HOMER2: variants seen among roughly 807,000 people sequenced by gnomAD.
The protein encoded by HOMER2 is homer protein homolog 2.
A neutral mutation model predicts 47.0 loss-of-function variants in HOMER2; 27 were observed. That is an observed-to-expected ratio of 0.57 (90% confidence interval 0.42 to 0.79). HOMER2 has a LOEUF of 0.79. HOMER2 is among the 30% of genes least tolerant of loss of function. The pLI is 0.00. For synonymous variants in HOMER2, 161 were observed against 163.8 expected (o/e 0.98, Z 0.13); for missense variants, 443 against 435.0 (o/e 1.02, Z -0.16).
chr15:82,940,778 A>C (rs1165166586), intron 1 of HOMER2, among the ~76,000 whole-genome samples: 1 of 151,952 alleles, frequency 6.6e-6, no homozygotes. Context: ...CTGCGGCCCC[A>C]GCTACTCAGG....
chr15:82,868,177 T>C (rs1299725866), intron 3 of HOMER2, among the ~76,000 whole-genome samples: 2 of 150,652 alleles, frequency 1.3e-5, no homozygotes, highest in East Asian at 3.9e-4. Context: ...TTTTTAATGG[T>C]TTTTTTATTG....
chr15:82,859,725 G>C (rs2051709893), intron 4 of HOMER2, among the ~76,000 whole-genome samples: 2 of 152,184 alleles, frequency 1.3e-5, no homozygotes, highest in Non-Finnish European at 2.9e-5. Flanking sequence ...TTTTCCGTAA[G>C]TCATACCACG....
In HOMER2 at chr15:82,976,734, C is replaced by T. The variant is rs1289037175; in HGVS notation, n.82+9053G>A. 2.2e-5 allele frequency among the ~76,000 whole-genome samples: 3 copies of T among 133,386 alleles called. No homozygotes were observed. In the South Asian group the frequency reaches 7.8e-4, roughly 35 times the overall value. The allele number at this position is 133,386 out of a possible 152,430, so 87.5% of individuals were successfully genotyped here. On this transcript the variant is annotated intron_variant and non_coding_transcript_variant, in intron 1 of 1. Transcript: ENST00000500334. ...TGCTCTTGTTGCCCAGGCTGGAGTA[C>T]AATGGCGTGATCTTGGCTTACTGCA...
chr15:82,901,824 G>A (rs1378148091), intron 1 of HOMER2, among the ~76,000 whole-genome samples: 3 of 152,204 alleles, frequency 2.0e-5, no homozygotes, highest in Non-Finnish European at 2.9e-5. Context: ...CATTTGGATA[G>A]TCATTCTCAT....
chr15:82,861,563 T>C (rs973142957), intron 4 of HOMER2, among the ~76,000 whole-genome samples: 1 of 152,210 alleles, frequency 6.6e-6, no homozygotes, highest in Non-Finnish European at 1.5e-5. Flanking sequence ...AATAAACATG[T>C]ATTGCATTTA....
In HOMER2 at chr15:82,952,638, GCCCGGCTCAGC is replaced by G. The variant is rs1233307775; in HGVS notation, c.-114_-104del. On this transcript the variant is annotated 5_prime_UTR_variant, in exon 1 of 9. An upstream open reading frame in the 5' UTR loses its in-frame stop. Transcript: ENST00000450735. The stretch of plus-strand genomic sequence containing the variant: ...GCGGCACATGCGGCGGCCCGTGCGC[GCCCGGCTCAGC>G]CCCGGCGCCGCTCCATTCCGCGGGG... The G allele has an allele frequency of 2.0e-6, 2 of 1,019,552 alleles. No individual in the cohort carries two copies. Among genetic ancestry groups the G allele is most frequent in the Admixed American group, 1.2e-4 (2 of 17,134 alleles). 63.2% of individuals were successfully genotyped at this position (1,019,552 alleles called of 1,614,324 possible). A position where few individuals can be genotyped will look rare whatever the true frequency, so the allele number is the denominator to read the frequency against.
downstream of HOMER2, chr15:82,844,769 A>T (rs908996330): frequency 6.6e-6 from 1 of 152,236 alleles, no homozygotes; most frequent in Non-Finnish European, 1.5e-5. Context: ...TTAAACTCTT[A>T]TATTTGATGC....
intron 1 of HOMER2, among the ~76,000 whole-genome samples, chr15:82,971,117 T>A (rs1029591261): frequency 7.9e-5 from 12 of 152,232 alleles, no homozygotes; most frequent in African/African-American, 2.7e-4. Flanking sequence ...GGCACCTGTT[T>A]ACTGAGAACA....
In HOMER2 at chr15:82,895,471, C is replaced by T. The variant is rs1392991162; in HGVS notation, c.6-2630G>A. Among the ~76,000 whole-genome samples, 3 of 152,316 alleles carry T rather than the reference C, an allele frequency of 2.0e-5. No homozygotes were observed. The South Asian group carries it at 6.2e-4, about 32-fold the overall frequency. On this transcript the variant is annotated intron_variant, in intron 1 of 8. Transcript: ENST00000450735. The stretch of plus-strand genomic sequence containing the variant: ...TGCAGTCTGGATCACCCAGCTGTGC[C>T]ACTCTCAGCCCAGCACCATATTTTG...
At chr15:82,908,141 A>ACTTT (rs34895333) in intron 1 of HOMER2, among the ~76,000 whole-genome samples, 61,973 of 151,662 alleles carry the variant, frequency 0.41, 13,399 homozygotes, top group Non-Finnish European at 0.49. Flanking sequence ...ATGGATTCTG[A>ACTTT]CTTTCAGGGG....
intron 1 of HOMER2, among the ~76,000 whole-genome samples, chr15:82,967,242 C>T (rs949186839): frequency 1.3e-5 from 2 of 151,912 alleles, no homozygotes; most frequent in African/African-American, 2.4e-5. Context: ...CAGAGGGAGA[C>T]CCTGTCTCAA....
intron 1 of HOMER2, among the ~76,000 whole-genome samples, chr15:82,967,592 C>T (rs1452658550): frequency 6.6e-6 from 1 of 152,138 alleles, no homozygotes; most frequent in Non-Finnish European, 1.5e-5. Flanking sequence ...CTCCACAAAG[C>T]AGGCCAGGCA....
At chr15:82,893,128 C>T (rs866925010) in intron 1 of HOMER2, among the ~76,000 whole-genome samples, 6 of 152,174 alleles carry the variant, frequency 3.9e-5, no homozygotes, top group African/African-American at 7.2e-5. Context: ...TTCGAATCCC[C>T]GTCAAGTGTC....
chr15:82,956,546 G>A (rs1239673491), upstream of HOMER2, among the ~76,000 whole-genome samples: 2 of 152,148 alleles, frequency 1.3e-5, no homozygotes, highest in Non-Finnish European at 2.9e-5. Context: ...ACTCACTCCT[G>A]GGAGAAGAGG....
chr15:82,882,615 G>C (rs1387212416), intron 2 of HOMER2, among the ~76,000 whole-genome samples: 1 of 152,248 alleles, frequency 6.6e-6, no homozygotes, highest in Non-Finnish European at 1.5e-5. Flanking sequence ...TCTGAGTACA[G>C]ATCTTCCTGA....
intron 1 of HOMER2, among the ~76,000 whole-genome samples, chr15:82,977,140 A>T (rs185001415): frequency 6.6e-6 from 1 of 152,342 alleles, no homozygotes; most frequent in East Asian, 1.9e-4. Flanking sequence ...CATTAACAAA[A>T]ATCAAGCAAA....
downstream of HOMER2, chr15:82,845,218 T>TCACACTCACACACA (rs2051222772): frequency 6.9e-6 from 1 of 145,924 alleles, no homozygotes; most frequent in Non-Finnish European, 1.5e-5. Context: ...TGCTGTTTCT[T>TCACACTCACACACA]CACACACACA....
chr15:82,910,761 G>C (rs559024170), intron 1 of HOMER2, among the ~76,000 whole-genome samples: 20 of 152,180 alleles, frequency 1.3e-4, no homozygotes, highest in East Asian at 5.8e-4. Context: ...TTTTGTCTCC[G>C]GGGCCTGTTC....
chr15:82,939,921 C>T (rs1002861776), intron 1 of HOMER2, among the ~76,000 whole-genome samples: 3 of 152,126 alleles, frequency 2.0e-5, no homozygotes, highest in African/African-American at 4.8e-5. Flanking sequence ...TTTGTAGGGA[C>T]ATGAATGAAG....
Sources: allele counts gnomAD v4.1 joint callset (sites outside exome capture counted in the v4.1 genomes callset), GRCh38; gene constraint gnomAD v4.1.1; transcripts MANE v1.5; gene names NCBI Gene and HGNC (gene_info 2026-07-23, HGNC 2026-07-21).